The following XPO1 variants were observed in gnomAD, a reference collection of about 807,000 sequenced individuals.
XPO1 encodes the protein exportin-1.
XPO1 carries 5 observed loss-of-function variants against 133.3 expected under a neutral mutation model. The ratio of observed to expected loss-of-function variants is 0.04; its 90% confidence interval spans 0.02 to 0.08. XPO1 has a LOEUF of 0.08. Ranked by LOEUF, XPO1 falls within the 10% of genes least tolerant of loss-of-function variation. The pLI is 1.00. For synonymous variants in XPO1, 419 were observed against 408.2 expected (o/e 1.03, Z -0.32); for missense variants, 506 against 1,267.5 (o/e 0.40, Z 9.12).
At chr2:61,490,952 GC>G (rs1394439595) in intron 16 of XPO1, among the ~76,000 whole-genome samples, 176 bp from the exon 17 acceptor site, 1 of 152,122 alleles carries the variant, frequency 6.6e-6, no homozygotes, top group Admixed American at 6.6e-5. Flanking sequence ...GTCAGGAGTT[GC>G]AGACCAGCCT....
At chr2:61,519,524 T>C (rs977525671) in intron 4 of XPO1, among the ~76,000 whole-genome samples, 2 of 141,768 alleles carry the variant, frequency 1.4e-5, no homozygotes, top group Non-Finnish European at 3.1e-5. Flanking sequence ...AGTGAAACCA[T>C]CTCTACTAAA....
At chr2:61,518,457 C>T (rs1698519071) in intron 4 of XPO1, among the ~76,000 whole-genome samples, 1 of 137,436 alleles carries the variant, frequency 7.3e-6, no homozygotes, top group Admixed American at 7.2e-5. Context: ...CACACACACA[C>T]ACACACAAAG....
chr2:61,536,561 C>T (rs1699361619), intron 1 of XPO1: 4 of 152,276 alleles, frequency 2.6e-5, no homozygotes, highest in Admixed American at 2.6e-4. Context: ...CAAGTCGCTA[C>T]AAGGCGAAAG....
chr2:61,530,944 T>C (rs1268663313), intron 2 of XPO1, among the ~76,000 whole-genome samples: 2 of 152,268 alleles, frequency 1.3e-5, no homozygotes, highest in Admixed American at 6.5e-5. Flanking sequence ...TCAAGCACTG[T>C]AATAGGTGCT....
intron 24 of XPO1, among the ~76,000 whole-genome samples, chr2:61,479,458 A>AAG (rs1418186982): frequency 6.6e-6 from 1 of 151,602 alleles, no homozygotes; most frequent in Non-Finnish European, 1.5e-5. Flanking sequence ...GCCCCCCCAA[A>AAG]AAAAACAAAA....
intron 19 of XPO1, among the ~76,000 whole-genome samples, chr2:61,486,434 G>A (rs1696697457): frequency 6.6e-6 from 1 of 150,450 alleles, no homozygotes; most frequent in African/African-American, 2.4e-5. Flanking sequence ...GTATATGTAA[G>A]ATGGCAGCAA....
At position 61,485,791 on chromosome 2, in the gene XPO1, A is replaced by G; in HGVS notation, c.2485T>C (p.Cys829Arg). The G allele has an allele frequency of 6.2e-7, 1 of 1,612,942 alleles. No individual in the cohort carries two copies. Among genetic ancestry groups the G allele is most frequent in the African/African-American group, 1.3e-5 (1 of 75,034 alleles). Residue 829 changes from cysteine to arginine, a missense_variant, in exon 20 of 25, where the codon TGC (cysteine) becomes CGC (arginine). This residue lies in a region of XPO1 where 203 missense variants were observed against 365.9 expected (regional missense o/e 0.55). Transcript: ENST00000401558. ...ACCTTATTTATCATATTCAATGTGC[A>G]TTCAAAAACAGCATCAAATATTTGA... ...IPQIFDAVFE[C>R]TLNMINKDFE...
intron 24 of XPO1, 132 bp from the exon 25 acceptor site, chr2:61,479,098 T>C (rs1332257050): frequency 9.8e-7 from 1 of 1,020,826 alleles, no homozygotes; most frequent in African/African-American, 1.6e-5. Flanking sequence ...GGTTTTAAAT[T>C]ATAGGATAGT....
chr2:61,499,008 A>AC, intron 7 of XPO1, 95 bp from the exon 8 acceptor site: 1 of 1,356,538 alleles, frequency 7.4e-7, no homozygotes. Context: ...AAAGCCCAGT[A>AC]CAGTGGCTCA....
intron 4 of XPO1, among the ~76,000 whole-genome samples, chr2:61,518,329 G>A (rs191117775): frequency 0.015 from 2,342 of 151,624 alleles, 22 homozygotes; most frequent in Non-Finnish European, 0.02. Context: ...GAGGCAGGCG[G>A]ATGACGAGGT....
chr2:61,531,283 ATT>A (rs1442523315), intron 2 of XPO1, among the ~76,000 whole-genome samples: 1 of 152,206 alleles, frequency 6.6e-6, no homozygotes, highest in Non-Finnish European at 1.5e-5. Flanking sequence ...TACGCAACTG[ATT>A]TTGTCACATG....
At chr2:61,495,991 A>G (rs1286840356) in intron 10 of XPO1, among the ~76,000 whole-genome samples, 11 of 152,044 alleles carry the variant, frequency 7.2e-5, no homozygotes, top group Admixed American at 6.6e-4. Flanking sequence ...TTTAAGCCCT[A>G]ATATCCCAAC....
intron 4 of XPO1, among the ~76,000 whole-genome samples, chr2:61,508,771 A>G (rs1002839406): frequency 1.3e-5 from 2 of 152,232 alleles, no homozygotes; most frequent in Non-Finnish European, 2.9e-5. Flanking sequence ...CTCAATCTTC[A>G]AGTCATAGAG....
chr2:61,479,048 T>C (rs1696195748), intron 24 of XPO1, 82 bp from the exon 25 acceptor site: 1 of 1,499,948 alleles, frequency 6.7e-7, no homozygotes, highest in Non-Finnish European at 9.0e-7. Flanking sequence ...AATTTCCTTT[T>C]TAGAGAAGGA....
At chr2:61,485,574 T>C (rs747384185) in intron 20 of XPO1, 194 bp downstream of exon 20, 15 of 412,446 alleles carry the variant, frequency 3.6e-5, no homozygotes, top group Non-Finnish European at 5.9e-5. Context: ...AGTCTCACTA[T>C]ATTGCCCAGG....
intron 10 of XPO1, among the ~76,000 whole-genome samples, chr2:61,496,043 C>A (rs1048364587): frequency 3.9e-5 from 6 of 152,084 alleles, no homozygotes; most frequent in Admixed American, 6.6e-5. Context: ...ACTCCTAGGT[C>A]CAGTATACCT....
At chr2:61,500,596 A>AAAAAAAAAAAAAAAAC in intron 6 of XPO1, among the ~76,000 whole-genome samples, 1 of 146,742 alleles carries the variant, frequency 6.8e-6, no homozygotes, top group Non-Finnish European at 1.5e-5. Flanking sequence ...AAAAAAAAAA[A>AAAAAAAAAAAAAAAAC]AAGAGCAGCC....
At chr2:61,533,743 T>A (rs1699256017) in intron 2 of XPO1, 29 bp downstream of exon 2, 3 of 1,547,874 alleles carry the variant, frequency 1.9e-6, no homozygotes, top group African/African-American at 1.4e-5. Flanking sequence ...ACTGTCATAA[T>A]GTTATAAAGT....
At chr2:61,518,228 G>C (rs1181565985) in intron 4 of XPO1, among the ~76,000 whole-genome samples, 1 of 151,734 alleles carries the variant, frequency 6.6e-6, no homozygotes, top group Non-Finnish European at 1.5e-5. Context: ...ACTCCAGCCT[G>C]AGCAACAGAG....
Sources: allele counts gnomAD v4.1 joint callset (sites outside exome capture counted in the v4.1 genomes callset), GRCh38; gene constraint gnomAD v4.1.1; regional missense constraint gnomAD v4.1.1; transcripts MANE v1.5; gene names NCBI Gene and HGNC (gene_info 2026-07-23, HGNC 2026-07-21).